Variants in FLRT3 observed in about 807,000 individuals in gnomAD.
The protein encoded by FLRT3 is fibronectin leucine rich transmembrane protein 3.
Under a neutral mutation model 42.6 loss-of-function variants are expected in FLRT3, and 17 were observed. The ratio of observed to expected loss-of-function variants is 0.40; its 90% CI spans 0.27 to 0.60. The LOEUF (loss-of-function observed/expected upper bound fraction) is 0.60, where lower values mean the gene tolerates loss of function less well. Ranked by LOEUF, FLRT3 falls within the 20% of genes least tolerant of loss-of-function variation. The pLI, the probability that FLRT3 is intolerant of heterozygous loss-of-function variation, is 0.44. For synonymous variants in FLRT3, 279 were observed against 286.4 expected (o/e 0.97, Z 0.26); for missense variants, 635 against 789.2 (o/e 0.80, Z 2.34).
chr20:14,335,878 A>G (rs555677335), intron 1 of FLRT3, among the ~76,000 whole-genome samples: 1 of 152,236 alleles, frequency 6.6e-6, no homozygotes, highest in South Asian at 2.1e-4. Flanking sequence ...GTGTGTATAT[A>G]TATGTGTCCA....
At position 14,327,584 on chromosome 20, in the gene FLRT3, C is replaced by T. The variant is rs1458190136; in HGVS notation, c.-52-26G>A. 9 of 1,455,894 alleles carry T rather than the reference C, an allele frequency of 6.2e-6. No homozygotes were observed. In the East Asian group the frequency reaches 1.4e-4, roughly 23 times the overall value. 90.2% of individuals were successfully genotyped at this position (1,455,894 alleles called of 1,614,324 possible). A position where few individuals can be genotyped will look rare whatever the true frequency, so the allele number is the denominator to read the frequency against. ...CTAAAATGAAGTGAGTAAAAAAAGA[C>T]AGAAAACAATAAGGCCAGCATACTG... is the stretch of plus-strand genomic sequence containing the variant. On this transcript the variant is annotated intron_variant, in intron 2 of 2. Coordinates refer to ENST00000341420, the MANE Select transcript of FLRT3 (RefSeq NM_198391.3).
chr20:14,327,790 A>T (rs2082762340), intron 2 of FLRT3, among the ~76,000 whole-genome samples: 1 of 152,114 alleles, frequency 6.6e-6, no homozygotes, highest in Non-Finnish European at 1.5e-5. Context: ...ATCTGTCCTA[A>T]ATCCATTTGA....
chr20:14,331,361 C>A (rs1396773167), intron 1 of FLRT3, among the ~76,000 whole-genome samples: 1 of 152,016 alleles, frequency 6.6e-6, no homozygotes, highest in Non-Finnish European at 1.5e-5. Flanking sequence ...GTTTATTTTA[C>A]CTGTTTTACA....
intron 2 of FLRT3, chr20:14,328,830 T>TA (rs2082782428): frequency 2.0e-5 from 3 of 152,122 alleles, no homozygotes; most frequent in Admixed American, 1.3e-4. Context: ...TGCTTCCTGT[T>TA]ACTATGTAGG....
In FLRT3 at chr20:14,325,976, T is replaced by C. The variant is rs113914590; in HGVS notation, c.1531A>G (p.Thr511Ala). The change falls in exon 3 of 3, where the codon ACC becomes GCC. Residue 511 changes from threonine to alanine, a missense_variant. Thr to Ala is a moderately conservative substitution (Grantham distance 58). Transcript: ENST00000341420. ...TAPLRMYNPT[T>A]TLNREQEKEP... is the part of the protein sequence containing the mutation. ...TTCTCTTGCTCTCGATTGAGGGTGGTTGTAGGGTTGTACATTCGAAGGGGT... is the reference window on the plus strand; with the variant it reads ...TTCTCTTGCTCTCGATTGAGGGTGGCTGTAGGGTTGTACATTCGAAGGGGT... 1 of 1,613,860 alleles carries C rather than the reference T, an allele frequency of 6.2e-7. No individual in the cohort carries two copies. Among genetic ancestry groups the C allele is most frequent in the Non-Finnish European group, 8.5e-7 (1 of 1,179,860 alleles).
At position 14,327,282 on chromosome 20, in the gene FLRT3, A is replaced by G. The variant is rs181696592; in HGVS notation, c.225T>C (p.Ile75=). ...TCAGCAAGTTTTTCAAATCTGAAGG[A>G]ATCCCAGCATTATTTATTTGGTTGT... ...LQNNQINNAG[I]PSDLKNLLKV... is the part of the protein sequence containing the mutation. Residue 75 remains isoleucine (I), a synonymous_variant, in exon 3 of 3, where the codon ATT becomes ATC. Transcript: ENST00000341420. 2.5e-6 allele frequency: 4 copies of G among 1,613,860 alleles called. No individual in the cohort carries two copies. In the African/African-American group the frequency reaches 5.3e-5, roughly 22 times the overall value.
intron 1 of FLRT3, among the ~76,000 whole-genome samples, chr20:14,331,640 T>A (rs2082843326): frequency 1.3e-5 from 2 of 152,148 alleles, no homozygotes; most frequent in African/African-American, 4.8e-5. Context: ...AAACAGTTCA[T>A]GTTTAACTAC....
chr20:14,337,487 C>T lies in FLRT3; in HGVS notation c.-330G>A. ...ACAGTGAATTGGAGTAATAGCCCTC[C>T]CCCGTCTCCCAAGCTCTGCGTCCAG... is the stretch of plus-strand genomic sequence containing the variant. On this transcript the variant is annotated 5_prime_UTR_variant, in exon 1 of 3. Coordinates refer to ENST00000341420, the MANE Select transcript of FLRT3 (RefSeq NM_198391.3). 2.5e-6 allele frequency: 1 copy of T among 398,222 alleles called. No homozygotes were observed. Among genetic ancestry groups the T allele is most frequent in the Non-Finnish European group, 4.4e-6 (1 of 225,980 alleles). The allele number at this position is 398,222 out of a possible 1,614,324, so 24.7% of individuals were successfully genotyped here. A position where few individuals can be genotyped will look rare whatever the true frequency, so the allele number is the denominator to read the frequency against.
rs779346527 is a variant in FLRT3 at position 14,326,524 on chromosome 20, T to C, written c.983A>G (p.Asn328Ser). 11 of 1,613,808 alleles carry C rather than the reference T, an allele frequency of 6.8e-6. No individual in the cohort carries two copies. The highest frequency in any genetic ancestry group is 4.0e-5 in the African/African-American group (3 of 74,908). ...GGCTTGGCACATGAGCCCACGCACGTTGACCTTCACAGGTAGTGATTGTAA... is the reference window on the plus strand; with the variant it reads ...GGCTTGGCACATGAGCCCACGCACGCTGACCTTCACAGGTAGTGATTGTAA... ...DWLQSLPVKV[N>S]VRGLMCQAPE... Residue 328 changes from asparagine to serine, a missense_variant, in exon 3 of 3, where the codon AAC becomes AGC. Physicochemically the swap from Asn to Ser is conservative, Grantham distance 46. Coordinates refer to ENST00000341420, the MANE Select transcript of FLRT3 (RefSeq NM_198391.3). The surrounding 1 kb of genome is among the most constrained non-coding windows in gnomAD (Gnocchi z 5.5).
chr20:14,330,013 T>G (rs1421192669), intron 1 of FLRT3, among the ~76,000 whole-genome samples: 3 of 152,030 alleles, frequency 2.0e-5, no homozygotes, highest in African/African-American at 7.2e-5. Context: ...GAGAATACTG[T>G]TCTAATTTTC....
chr20:14,336,695 A>G (rs1238013602), intron 1 of FLRT3, among the ~76,000 whole-genome samples: 2 of 152,158 alleles, frequency 1.3e-5, no homozygotes. Flanking sequence ...AGACTTAGCC[A>G]TTTACTATGC....
chr20:14,326,975 C>T lies in FLRT3; in HGVS notation c.532G>A (p.Glu178Lys), dbSNP rs1453702537. The part of the protein sequence containing the change: ...TIPWGLPRTI[E>K]ELRLDDNRIS... Reference sequence around the variant, plus strand: ...CGATTATCATCCAAGCGTAGTTCTTCTATAGTCCTGGGCAAACCCCAGGGA... The same window carrying T: ...CGATTATCATCCAAGCGTAGTTCTTTTATAGTCCTGGGCAAACCCCAGGGA... The change falls in exon 3 of 3, where the codon GAA becomes AAA. Residue 178 changes from glutamate to lysine, a missense_variant. Physicochemically the swap from Glu to Lys is moderately conservative, Grantham distance 56. Coordinates refer to ENST00000341420, the MANE Select transcript of FLRT3 (RefSeq NM_198391.3). This position sits in a 1 kb window ranked among gnomAD's most constrained non-coding sequence, Gnocchi z 5.5. 6.2e-7 allele frequency: 1 copy of T among 1,613,738 alleles called. No homozygotes were observed. Among genetic ancestry groups the T allele is most frequent in the Non-Finnish European group, 8.5e-7 (1 of 1,179,782 alleles).
In FLRT3 at chr20:14,333,062, C is replaced by A. The variant is rs1039183118; in HGVS notation, c.-246-3735G>T. On this transcript the variant is annotated intron_variant, in intron 1 of 2. Coordinates refer to ENST00000341420, the MANE Select transcript of FLRT3 (RefSeq NM_198391.3). ...ATCAGATTTCAGGAAAGTTCCAATT[C>A]TTTTGTTCAATGCCAGGCAAGCAGA... 3.8e-4 allele frequency among the ~76,000 whole-genome samples: 58 copies of A among 151,938 alleles called. 1 individual carries two copies. The highest frequency in any genetic ancestry group is 1.4e-3 in the African/African-American group (57 of 41,458).
chr20:14,325,496 A>G lies in FLRT3; in HGVS notation c.*61T>C. 1 of 1,524,084 alleles carries G rather than the reference A, an allele frequency of 6.6e-7. No homozygotes were observed. The highest frequency in any genetic ancestry group is 2.3e-5 in the East Asian group (1 of 44,234). The allele number at this position is 1,524,084 out of a possible 1,614,324, so 94.4% of individuals were successfully genotyped here. A position where few individuals can be genotyped will look rare whatever the true frequency, so the allele number is the denominator to read the frequency against. Reference sequence around the variant, plus strand: ...TGTTTTGCAGTAGAACAGGGTTCCTACCATCACCTCCCTTAGGTTTAAAAA... The same window carrying G: ...TGTTTTGCAGTAGAACAGGGTTCCTGCCATCACCTCCCTTAGGTTTAAAAA... On this transcript the variant is annotated 3_prime_UTR_variant, in exon 3 of 3. Coordinates refer to ENST00000341420, the MANE Select transcript of FLRT3 (RefSeq NM_198391.3).
Position 14,325,568 on chromosome 20 carries a change from A to G in FLRT3, c.1939T>C (p.Ser647Pro). 1.2e-6 allele frequency: 2 copies of G among 1,609,950 alleles called. No individual in the cohort carries two copies. Among genetic ancestry groups the G allele is most frequent in the Non-Finnish European group, 1.7e-6 (2 of 1,177,596 alleles). Residue 647 changes from serine (S) to proline (P), a missense_variant, in exon 3 of 3, where the codon TCA (serine) becomes CCA (proline). Physicochemically the swap from Ser to Pro is moderately conservative, Grantham distance 74. Transcript: ENST00000341420. ...TGAGTCCTTCAGCATCATGAGTGTG[A>G]GTGATCTGAGTCTGGAATACCACTG... is the stretch of plus-strand genomic sequence containing the variant. ...RDSGIPDSDH[S>P]HS
At chr20:14,330,513 A>G (rs369181828) in intron 1 of FLRT3, among the ~76,000 whole-genome samples, 1 of 152,224 alleles carries the variant, frequency 6.6e-6, no homozygotes. Flanking sequence ...AAATAAGGCC[A>G]CAATTTGTGT....
intron 2 of FLRT3, among the ~76,000 whole-genome samples, chr20:14,328,754 A>G (rs1467502016): frequency 6.6e-6 from 1 of 152,098 alleles, no homozygotes; most frequent in Admixed American, 6.6e-5. Context: ...TGCTGTTGTC[A>G]ATGAACATTC....
At chr20:14,334,766 T>C (rs1266004270) in intron 1 of FLRT3, among the ~76,000 whole-genome samples, 2 of 151,408 alleles carry the variant, frequency 1.3e-5, no homozygotes, top group African/African-American at 2.4e-5. Context: ...ATGGTAGTCT[T>C]CATTTGATTT....
chr20:14,336,876 T>C (rs1360926155), intron 1 of FLRT3, among the ~76,000 whole-genome samples: 2 of 152,208 alleles, frequency 1.3e-5, no homozygotes, highest in Non-Finnish European at 2.9e-5. Context: ...CTTTAAAATC[T>C]AGGTGTAGCT....
Sources: gnomAD v4.1 joint callset for allele counts (sites outside exome capture counted in the v4.1 genomes callset) on GRCh38, gnomAD v4.1.1 for gene constraint, Gnocchi (gnomAD v3.1) non-coding constraint, MANE v1.5 for transcripts, NCBI Gene and HGNC (gene_info 2026-07-23, HGNC 2026-07-21) for gene names.